Variants in PAM observed in about 807,000 individuals in gnomAD.
PAM encodes peptidylglycine alpha-amidating monooxygenase.
Under a neutral mutation model 122.1 loss-of-function variants are expected in PAM, and 72 were observed. The observed-to-expected ratio is 0.59, with a 90% CI of 0.49 to 0.72. The LOEUF (loss-of-function observed/expected upper bound fraction) is 0.72, where lower values mean the gene tolerates loss of function less well. Ranked by LOEUF, PAM falls within the 30% of genes least tolerant of loss-of-function variation. The pLI is 0.00. For synonymous variants in PAM, 389 were observed against 404.4 expected (o/e 0.96, Z 0.46); for missense variants, 1,106 against 1,183.7 (o/e 0.93, Z 0.96).
intron 7 of PAM, among the ~76,000 whole-genome samples, chr5:102,931,815 T>C (rs1368932121): frequency 6.6e-6 from 1 of 151,812 alleles, no homozygotes; most frequent in Non-Finnish European, 1.5e-5. Flanking sequence ...ACACTCTCTC[T>C]CTCTCTCTCT....
intron 15 of PAM, among the ~76,000 whole-genome samples, chr5:102,983,446 CAAAA>C (rs70990421): frequency 1.9e-5 from 2 of 103,568 alleles, no homozygotes; most frequent in African/African-American, 3.6e-5. Context: ...TGAGACTGTC[CAAAA>C]AAAAAAAAAA....
intron 1 of PAM, among the ~76,000 whole-genome samples, chr5:102,856,885 C>G (rs570693405): frequency 7.9e-4 from 120 of 152,104 alleles, no homozygotes; most frequent in African/African-American, 2.7e-3. Context: ...CCAAACAAAT[C>G]TGTGTGCAGA....
intron 10 of PAM, 107 bp downstream of exon 10, chr5:102,949,724 A>G (rs1758160896): frequency 1.3e-6 from 1 of 744,140 alleles, no homozygotes; most frequent in Non-Finnish European, 2.4e-6. Context: ...AATGAAAGTG[A>G]TTTCATATAA....
In PAM at chr5:102,957,517, CT is replaced by C. The variant is rs367965288; in HGVS notation, c.906-2348del. On this transcript the variant is annotated intron_variant, in intron 12 of 25. Coordinates refer to ENST00000438793, the MANE Select transcript of PAM (RefSeq NM_001177306.2). ...ATATGGTAAGATTTTTGTTTGTTTG[CT>C]TTTTTTTTTCTTTTCTTTTCTTTTT... is the stretch of plus-strand genomic sequence containing the variant. 7.0e-3 allele frequency among the ~76,000 whole-genome samples: 1,047 copies of C among 148,798 alleles called. 6 individuals are homozygous for C. Among genetic ancestry groups the C allele is most frequent in the African/African-American group, 0.021 (858 of 40,644 alleles).
rs768032395 is a variant in PAM, at chr5:102,925,010, C to T, written c.410C>T (p.Ala137Val). 10 of 1,590,290 alleles carry T rather than the reference C, an allele frequency of 6.3e-6. No homozygotes were observed. Among genetic ancestry groups the T allele is most frequent in the Admixed American group, 5.0e-5 (3 of 59,994 alleles). Residue 137 changes from alanine (A) to valine (V), a missense_variant, in exon 6 of 26, where the codon GCG becomes GTG. Ala to Val is a moderately conservative substitution (Grantham distance 64, BLOSUM62 0). Around this residue, in one of 3 missense-constraint regions of PAM, gnomAD observed 670 missense variants for 690.3 expected, o/e 0.97. Transcript: ENST00000438793. Reference protein sequence around the residue: ...TDKANILYAWARNAPPTRLPK... With the variant: ...TDKANILYAWVRNAPPTRLPK... ...AAAGCCAATATTCTGTATGCCTGGG[C>T]GAGAAATGCTCCCCCTACCCGGCTC... is the stretch of plus-strand genomic sequence containing the variant.
In PAM at chr5:102,810,473, C is replaced by CT. The variant is rs149795410; in HGVS notation, c.-374+55129dup. 5.1e-3 allele frequency among the ~76,000 whole-genome samples: 782 copies of CT among 152,300 alleles called. 7 individuals carry two copies. The highest frequency in any genetic ancestry group is 0.017 in the African/African-American group (702 of 41,560). On this transcript the variant is annotated intron_variant, in intron 1 of 25. Transcript: ENST00000438793. ...AATATGGAAATGTCAGGTCTGTAGA[C>CT]TTTTCCAGCATGAGATAAATGAAAT...
At chr5:102,779,226 G>GTA (rs1451975786) in intron 1 of PAM, among the ~76,000 whole-genome samples, 1 of 149,946 alleles carries the variant, frequency 6.7e-6, no homozygotes, top group African/African-American at 2.5e-5. Context: ...ATATGTGTGT[G>GTA]TATATATATG....
At chr5:102,947,884 T>A (rs1318740160) in intron 8 of PAM, among the ~76,000 whole-genome samples, 1 of 151,982 alleles carries the variant, frequency 6.6e-6, no homozygotes, top group African/African-American at 2.4e-5. Context: ...TTGTGGGGAC[T>A]GATTAAGTCC....
At chr5:102,797,981 A>C (rs1433924737) in intron 1 of PAM, among the ~76,000 whole-genome samples, 1 of 152,184 alleles carries the variant, frequency 6.6e-6, no homozygotes, top group Non-Finnish European at 1.5e-5. Flanking sequence ...ATACTAAAGA[A>C]TAATTTTCAA....
intron 1 of PAM, among the ~76,000 whole-genome samples, chr5:102,778,013 C>T (rs1355608416): frequency 6.6e-6 from 1 of 152,124 alleles, no homozygotes; most frequent in Non-Finnish European, 1.5e-5. Context: ...TTGTGGAAAA[C>T]ACCTGAATGG....
rs990152170 is a variant in PAM at position 102,946,945 on chromosome 5, T to C, written c.575+60T>C. On this transcript the variant is annotated intron_variant, in intron 8 of 25. Coordinates refer to ENST00000438793, the MANE Select transcript of PAM (RefSeq NM_001177306.2). ...CTTTAACATCTTTGCGAACTTAGAG[T>C]GGGAAGTTTACTGTATTAATTATCT... The C allele has an allele frequency of 3.2e-5, 35 of 1,084,206 alleles. No individual in the cohort carries two copies. In the South Asian group the frequency reaches 3.9e-4, roughly 12 times the overall value. 67.2% of individuals were successfully genotyped at this position (1,084,206 alleles called of 1,614,324 possible).
At chr5:102,981,594 G>T (rs1769898983) in intron 15 of PAM, among the ~76,000 whole-genome samples, 1 of 152,226 alleles carries the variant, frequency 6.6e-6, no homozygotes, top group South Asian at 2.1e-4. Context: ...CAGGCCCTGT[G>T]TGACAGTTGG....
At chr5:102,891,834 A>G (rs1194448171) in intron 3 of PAM, among the ~76,000 whole-genome samples, 1 of 151,852 alleles carries the variant, frequency 6.6e-6, no homozygotes, top group Non-Finnish European at 1.5e-5. Flanking sequence ...GAACAGGTCA[A>G]TACATTGAAA....
intron 21 of PAM, among the ~76,000 whole-genome samples, chr5:103,010,532 G>A (rs1780294555): frequency 6.6e-6 from 1 of 152,152 alleles, no homozygotes; most frequent in Non-Finnish European, 1.5e-5. Flanking sequence ...TCTCTACACT[G>A]TATGAATGTG....
At chr5:102,888,923 G>T (rs776290560) in intron 3 of PAM, among the ~76,000 whole-genome samples, 1 of 151,890 alleles carries the variant, frequency 6.6e-6, no homozygotes, top group Non-Finnish European at 1.5e-5. Flanking sequence ...CCATGGAATA[G>T]AATGCAAACA....
chr5:102,994,911 G>T (rs547694176), intron 16 of PAM, among the ~76,000 whole-genome samples: 1 of 152,170 alleles, frequency 6.6e-6, no homozygotes, highest in African/African-American at 2.4e-5. Flanking sequence ...TAGCTGAATG[G>T]TTGGTTTTGC....
intron 1 of PAM, among the ~76,000 whole-genome samples, chr5:102,760,681 G>C (rs936912237): frequency 4.6e-5 from 7 of 152,182 alleles, no homozygotes; most frequent in Admixed American, 2.0e-4. Context: ...AATTTTGTTT[G>C]TGTTGGTGAG....
chr5:102,958,854 G>C (rs992118241), intron 12 of PAM, among the ~76,000 whole-genome samples: 1 of 152,118 alleles, frequency 6.6e-6, no homozygotes, highest in Admixed American at 6.6e-5. Flanking sequence ...CAACACTGAT[G>C]TATTTCTGTA....
At chr5:102,794,545 AG>A (rs999529516) in intron 1 of PAM, among the ~76,000 whole-genome samples, 5 of 140,090 alleles carry the variant, frequency 3.6e-5, no homozygotes, top group African/African-American at 1.3e-4. Context: ...GTACCAAGGA[AG>A]GTTAGGTGAA....
Sources: allele counts gnomAD v4.1 joint callset (sites outside exome capture counted in the v4.1 genomes callset), GRCh38; gene constraint gnomAD v4.1.1; regional missense constraint gnomAD v4.1.1; transcripts MANE v1.5; gene names NCBI Gene and HGNC (gene_info 2026-07-23, HGNC 2026-07-21).